UGCG: variants seen among roughly 807,000 people sequenced by gnomAD.
The protein encoded by UGCG is UDP-glucose ceramide glucosyltransferase.
Under a neutral mutation model 49.5 loss-of-function variants are expected in UGCG, and 10 were observed. The ratio of observed to expected loss-of-function variants is 0.20; its 90% CI spans 0.12 to 0.34. UGCG has a LOEUF of 0.34. Among genes scored for constraint, UGCG ranks in the 10% least tolerant of loss-of-function variants. The probability of loss-of-function intolerance (pLI) is 1.00; values close to 1 mark genes in which losing one functional copy is unlikely to be tolerated. For missense variants in UGCG, 312 were observed against 483.7 expected, an observed-to-expected ratio of 0.65 and a Z score of 3.33; for synonymous variants, 182 against 158.2, an observed-to-expected ratio of 1.15 and a Z score of -1.13.
intron 6 of UGCG, among the ~76,000 whole-genome samples, 163 bp downstream of exon 6, chr9:111,929,841 CAG>C (rs1564206016): frequency 6.6e-6 from 1 of 151,994 alleles, no homozygotes; most frequent in African/African-American, 2.4e-5. Context: ...GTTTTTGAGA[CAG>C]AGTCTTGCTC....
rs73530547 is a variant in UGCG, at chr9:111,905,837, T to C, written c.98+8524T>C. Among the ~76,000 whole-genome samples, 457 of 152,356 alleles carry C rather than the reference T, an allele frequency of 3.0e-3. 4 individuals are homozygous for C. Among genetic ancestry groups the C allele is most frequent in the African/African-American group, 0.011 (440 of 41,586 alleles). On this transcript the variant is annotated intron_variant, in intron 1 of 8. Transcript: ENST00000374279. ...AATGCTGTGCCTCAGAGAGCTTGTG[T>C]ATTTACCTTACGGTGGATGGCTTCT... is the stretch of plus-strand genomic sequence containing the variant.
chr9:111,920,836 A>G (rs1361530561), intron 2 of UGCG, among the ~76,000 whole-genome samples: 1 of 151,934 alleles, frequency 6.6e-6, no homozygotes, highest in Non-Finnish European at 1.5e-5. Context: ...TAGCTTTGTT[A>G]TGTTTTCATG....
rs12346859 is a variant in UGCG, at chr9:111,906,469, G to C, written c.99-8136G>C. On this transcript the variant is annotated intron_variant, in intron 1 of 8. Coordinates refer to ENST00000374279, the MANE Select transcript of UGCG (RefSeq NM_003358.3). ...TGTTTTGAGACAGTCTCGCTGTGTCGCCCAAGCTGGAGTTCAGTGGTACGG... is the reference window on the plus strand; with the variant it reads ...TGTTTTGAGACAGTCTCGCTGTGTCCCCCAAGCTGGAGTTCAGTGGTACGG... 3.3e-5 allele frequency among the ~76,000 whole-genome samples: 5 copies of C among 151,858 alleles called. No homozygotes were observed. The East Asian group carries it at 9.6e-4, about 29-fold the overall frequency.
Position 111,908,039 on chromosome 9 carries a change from G to A in UGCG, c.99-6566G>A, listed in dbSNP as rs1837920249. ...TCTGATTTTTTGGTTGTTTCAGGTG[G>A]GAGAGAGTAAATCCAGTTAGCGTTT... On this transcript the variant is annotated intron_variant, in intron 1 of 8. Coordinates refer to ENST00000374279, the MANE Select transcript of UGCG (RefSeq NM_003358.3). Among the ~76,000 whole-genome samples, 3 of 151,930 alleles carry A rather than the reference G, an allele frequency of 2.0e-5. No individual in the cohort carries two copies. The South Asian group carries it at 6.2e-4, about 32-fold the overall frequency.
In UGCG at chr9:111,927,735, GC is replaced by G. The variant is rs577169524; in HGVS notation, c.558+1241del. 2.6e-5 allele frequency among the ~76,000 whole-genome samples: 4 copies of G among 152,308 alleles called. No individual in the cohort carries two copies. The South Asian group carries it at 8.3e-4, about 32-fold the overall frequency. The stretch of plus-strand genomic sequence containing the variant: ...CAAAGTGCTGGGATTACAGGCGTGA[GC>G]CACCACGCCCGGCAGGAAGTTTCTG... On this transcript the variant is annotated intron_variant, in intron 5 of 8. Transcript: ENST00000374279.
chr9:111,904,535 A>C (rs1484046575), intron 1 of UGCG, among the ~76,000 whole-genome samples: 1 of 152,114 alleles, frequency 6.6e-6, no homozygotes, highest in Non-Finnish European at 1.5e-5. Flanking sequence ...GCTCTTCTTG[A>C]ATTTTTAAAG....
rs185495476 is a variant in UGCG at position 111,897,390 on chromosome 9, G to T, written c.98+77G>T. On this transcript the variant is annotated intron_variant, in intron 1 of 8. Coordinates refer to ENST00000374279, the MANE Select transcript of UGCG (RefSeq NM_003358.3). ...ACAGGCGAGAATGGGAAACGTTTGC[G>T]CTTTGAAGGGGACTGGGCTCGGGCG... 152 of 1,205,108 alleles carry T rather than the reference G, an allele frequency of 1.3e-4. 2 individuals are homozygous for T. The East Asian group carries it at 3.9e-3, about 31-fold the overall frequency. 74.7% of individuals were successfully genotyped at this position (1,205,108 alleles called of 1,614,324 possible).
chr9:111,934,492 A>G lies in UGCG; in HGVS notation c.*1495A>G, dbSNP rs1353176267. On this transcript the variant is annotated 3_prime_UTR_variant, in exon 9 of 9. Coordinates refer to ENST00000374279, the MANE Select transcript of UGCG (RefSeq NM_003358.3). ...GCCTACTGCAGGGCTAACACTGGCA[A>G]TATGGCAGCTTTAAATTCTGAGTTA... The G allele has an allele frequency of 2.6e-5, 4 of 152,242 alleles. No individual in the cohort carries two copies. The highest frequency in any genetic ancestry group is 2.1e-4 in the South Asian group (1 of 4,834). The allele number at this position is 152,242 out of a possible 1,614,324, so 9.4% of individuals were successfully genotyped here.
intron 1 of UGCG, among the ~76,000 whole-genome samples, chr9:111,899,681 A>G (rs936100364): frequency 1.3e-5 from 2 of 151,956 alleles, no homozygotes; most frequent in Non-Finnish European, 2.9e-5. Context: ...TATCTTCCTT[A>G]TTCCTCCAAA....
chr9:111,910,236 A>G lies in UGCG; in HGVS notation c.99-4369A>G, dbSNP rs561950591. Among the ~76,000 whole-genome samples the G allele has an allele frequency of 5.2e-4, 79 of 152,340 alleles. 1 individual carries two copies. Among genetic ancestry groups the G allele is most frequent in the Non-Finnish European group, 8.1e-4 (55 of 68,036 alleles). The stretch of plus-strand genomic sequence containing the variant: ...TACAGCTTAGATGATCTTCGTTGCT[A>G]CTGTTTTTGATCTAAAGCCTTGCCA... On this transcript the variant is annotated intron_variant, in intron 1 of 8. Transcript: ENST00000374279.
intron 1 of UGCG, among the ~76,000 whole-genome samples, chr9:111,900,478 G>GTA (rs773342541): frequency 0.083 from 1,503 of 18,154 alleles, 33 homozygotes; most frequent in African/African-American, 0.23. Context: ...ATATGTATAT[G>GTA]TGTGTGTGTG....
intron 1 of UGCG, among the ~76,000 whole-genome samples, chr9:111,900,677 A>G (rs1376449759): frequency 6.6e-6 from 1 of 151,938 alleles, no homozygotes; most frequent in Non-Finnish European, 1.5e-5. Flanking sequence ...TGCTTTTTGT[A>G]GAGACAGGGT....
chr9:111,932,453 T>C (rs1838443243), intron 8 of UGCG, 94 bp downstream of exon 8: 4 of 1,265,610 alleles, frequency 3.2e-6, no homozygotes, highest in Non-Finnish European at 4.3e-6. Context: ...TCTGAGCCAT[T>C]CTTCAGCTTC....
At chr9:111,908,474 T>G (rs1837933340) in intron 1 of UGCG, among the ~76,000 whole-genome samples, 1 of 152,226 alleles carries the variant, frequency 6.6e-6, no homozygotes, top group East Asian at 1.9e-4. Flanking sequence ...GCTAATACTG[T>G]TTTTTGATCT....
At chr9:111,928,137 A>G (rs1838357987) in intron 5 of UGCG, among the ~76,000 whole-genome samples, 1 of 152,198 alleles carries the variant, frequency 6.6e-6, no homozygotes. Flanking sequence ...TATGATTGCC[A>G]CATATCTGAA....
chr9:111,933,159 A>C lies in UGCG; in HGVS notation c.*162A>C. 1.7e-6 allele frequency: 1 copy of C among 603,816 alleles called. No individual in the cohort carries two copies. The highest frequency in any genetic ancestry group is 2.4e-6 in the Non-Finnish European group (1 of 419,194). The allele number at this position is 603,816 out of a possible 1,614,324, so 37.4% of individuals were successfully genotyped here. A position where few individuals can be genotyped will look rare whatever the true frequency, so the allele number is the denominator to read the frequency against. ...ATGGCACTTGCATCTGTGAAAAAAA[A>C]AAAAAACACATCTGTAGTCTTGGCC... On this transcript the variant is annotated 3_prime_UTR_variant, in exon 9 of 9. Coordinates refer to ENST00000374279, the MANE Select transcript of UGCG (RefSeq NM_003358.3).
Position 111,929,787 on chromosome 9 carries a change from T to G in UGCG, c.737+109T>G. 29 of 1,295,854 alleles carry G rather than the reference T, an allele frequency of 2.2e-5. No homozygotes were observed. In the South Asian group the frequency reaches 3.4e-4, roughly 15 times the overall value. 80.3% of individuals were successfully genotyped at this position (1,295,854 alleles called of 1,614,324 possible). A position where few individuals can be genotyped will look rare whatever the true frequency, so the allele number is the denominator to read the frequency against. ...CTTTTTAATTTAATTTTATTTTTTT[T>G]GCTAGTAAGTACAGAATAGGTCAAT... On this transcript the variant is annotated intron_variant, in intron 6 of 8. Coordinates refer to ENST00000374279, the MANE Select transcript of UGCG (RefSeq NM_003358.3).
intron 1 of UGCG, among the ~76,000 whole-genome samples, chr9:111,911,924 A>AC (rs1337415180): frequency 4.7e-5 from 1 of 21,306 alleles, no homozygotes; most frequent in Non-Finnish European, 7.8e-5. Context: ...ATATATATAT[A>AC]TATATATATA....
chr9:111,914,510 A>T (rs1838075723), intron 1 of UGCG, 95 bp from the exon 2 acceptor site: 2 of 1,271,306 alleles, frequency 1.6e-6, no homozygotes, highest in South Asian at 3.3e-5. Flanking sequence ...AAAAATCTTA[A>T]CTTAGAATTT....
Sources: allele counts gnomAD v4.1 joint callset (sites outside exome capture counted in the v4.1 genomes callset), GRCh38; gene constraint gnomAD v4.1.1; transcripts MANE v1.5; gene names NCBI Gene and HGNC (gene_info 2026-07-23, HGNC 2026-07-21).